The following PRKAR1A variants were observed in gnomAD, a reference collection of about 807,000 sequenced individuals.
PRKAR1A encodes protein kinase cAMP-dependent type I regulatory subunit alpha.
A neutral mutation model predicts 52.0 loss-of-function variants in PRKAR1A; 3 were observed. The observed-to-expected ratio is 0.06, with a 90% CI of 0.03 to 0.15. PRKAR1A has a LOEUF of 0.15. PRKAR1A is among the 10% of genes least tolerant of loss of function. The pLI, the probability that PRKAR1A is intolerant of heterozygous loss-of-function variation, is 1.00. For missense variants in PRKAR1A, 240 were observed against 477.4 expected, an observed-to-expected ratio of 0.50 and a Z score of 4.63; for synonymous variants, 188 against 168.4, an observed-to-expected ratio of 1.12 and a Z score of -0.90.
chr17:68,454,179 C>T, the PRKAR1A span, among the ~76,000 whole-genome samples: 1 of 152,170 alleles, frequency 6.6e-6, no homozygotes, highest in Non-Finnish European at 1.5e-5. Flanking sequence ...CAACTTTGTT[C>T]AGCAGCTGGG....
chr17:68,523,886 G>A (rs570672858), intron 4 of PRKAR1A, 70 bp downstream of exon 4: 1 of 1,584,840 alleles, frequency 6.3e-7, no homozygotes, highest in Non-Finnish European at 8.7e-7. Flanking sequence ...TTCAACACTT[G>A]TTGCAAGTTT....
At chr17:68,452,991 A>T in the PRKAR1A span, 1 of 1,612,084 alleles carries the variant, frequency 6.2e-7, no homozygotes, top group African/African-American at 1.3e-5. Context: ...GTTGCTAGGG[A>T]TCTGTGGAGG....
chr17:68,515,079 A>G (rs948752995), intron 1 of PRKAR1A: 1 of 358,390 alleles, frequency 2.8e-6, no homozygotes, highest in African/African-American at 2.1e-5. Context: ...ACTGAATGAA[A>G]TTCCCTTAAG....
At chr17:68,496,111 G>A in the PRKAR1A span, among the ~76,000 whole-genome samples, 4 of 119,386 alleles carry the variant, frequency 3.4e-5, no homozygotes, top group African/African-American at 1.0e-4. Flanking sequence ...GCGCTATCTC[G>A]GCTCACTGCA....
the PRKAR1A span, among the ~76,000 whole-genome samples, chr17:68,478,639 T>C: frequency 6.6e-6 from 1 of 152,026 alleles, no homozygotes; most frequent in Non-Finnish European, 1.5e-5. Context: ...TCTGAATGTG[T>C]CTATATTTTA....
the PRKAR1A span, among the ~76,000 whole-genome samples, chr17:68,451,744 T>C: frequency 6.6e-6 from 1 of 152,178 alleles, no homozygotes; most frequent in Non-Finnish European, 1.5e-5. Flanking sequence ...CTTGCTGTGC[T>C]CCCTGGATCT....
the PRKAR1A span, among the ~76,000 whole-genome samples, chr17:68,458,616 A>G: frequency 3.3e-5 from 5 of 152,370 alleles, no homozygotes; most frequent in African/African-American, 1.2e-4. Context: ...TTGAAGATAT[A>G]GCACAATTCA....
At position 68,525,879 on chromosome 17, in the gene PRKAR1A, C is replaced by T. The variant is rs150244650; in HGVS notation, c.675C>T (p.Gly225=). ...CAAAGACAAATGTGAAATTGTGGGG[C>T]ATCGACCGAGACAGCTATAGAAGAA... The part of the protein sequence containing the change: ...VKAKTNVKLW[G]IDRDSYRRIL... Residue 225 remains glycine, a synonymous_variant, in exon 7 of 11, where the codon GGC becomes GGT. Coordinates refer to ENST00000589228, the MANE Select transcript of PRKAR1A (RefSeq NM_002734.5). 6 of 1,613,504 alleles carry T rather than the reference C, an allele frequency of 3.7e-6. No homozygotes were observed.
At chr17:68,544,693 G>A (rs1313285896) in intron 11 of PRKAR1A, among the ~76,000 whole-genome samples, 1 of 151,762 alleles carries the variant, frequency 6.6e-6, no homozygotes, top group East Asian at 1.9e-4. Flanking sequence ...TATTTTAAAA[G>A]GTGCAGCCAC....
At chr17:68,538,418 A>G (rs2086158560), downstream of PRKAR1A, among the ~76,000 whole-genome samples, 1 of 152,254 alleles carries the variant, frequency 6.6e-6, no homozygotes, top group Admixed American at 6.5e-5. Context: ...CTCTACTCCG[A>G]GTTTTCCAGC....
At chr17:68,526,061 A>C (rs2085781488) in intron 7 of PRKAR1A, 149 bp downstream of exon 7, 1 of 1,098,426 alleles carries the variant, frequency 9.1e-7, no homozygotes, top group African/African-American at 1.6e-5. Flanking sequence ...TTTAATGAGC[A>C]AATACTTTGC....
intron 7 of PRKAR1A, 111 bp downstream of exon 7, chr17:68,526,023 CTT>C: frequency 7.4e-7 from 1 of 1,352,524 alleles, no homozygotes; most frequent in Non-Finnish European, 1.0e-6. Context: ...GCAAATATTT[CTT>C]TCTTTTAATA....
At chr17:68,438,821 A>C in the PRKAR1A span, among the ~76,000 whole-genome samples, 3 of 152,182 alleles carry the variant, frequency 2.0e-5, no homozygotes, top group Non-Finnish European at 4.4e-5. Context: ...GGCTGTCTCG[A>C]ACTCGTGACC....
At chr17:68,537,055 G>C (rs1214030251), downstream of PRKAR1A, 2 of 457,142 alleles carry the variant, frequency 4.4e-6, no homozygotes, top group Admixed American at 2.3e-5. The surrounding 1 kb of genome is among the most constrained non-coding windows in gnomAD (Gnocchi z 4.2). Context: ...TGATAGGCCA[G>C]GTGTTTTGTC....
At chr17:68,522,671 A>T in intron 2 of PRKAR1A, 85 bp from the exon 3 acceptor site, 1 of 1,421,858 alleles carries the variant, frequency 7.0e-7, no homozygotes, top group Non-Finnish European at 9.8e-7. Context: ...ATTGGAAGTG[A>T]CTGAGATAGA....
the PRKAR1A span, among the ~76,000 whole-genome samples, chr17:68,434,342 T>C: frequency 6.6e-6 from 1 of 152,194 alleles, no homozygotes; most frequent in South Asian, 2.1e-4. Context: ...AAAGGGACTC[T>C]CACGGCTGAA....
At chr17:68,516,792 A>G (rs1374484645) in intron 2 of PRKAR1A, among the ~76,000 whole-genome samples, 1 of 152,114 alleles carries the variant, frequency 6.6e-6, no homozygotes, top group Non-Finnish European at 1.5e-5. Context: ...ATTATAGTAG[A>G]TATTCTGGCT....
rs769024869 is a variant in PRKAR1A, at chr17:68,515,378, T to C, written c.-6-16T>C. ...TTTATAGTTTATACAAGCATGTGTG[T>C]GTTTTTTTCTCGCAGAGAACCATGG... On this transcript the variant is annotated splice_polypyrimidine_tract_variant and intron_variant, in intron 1 of 10. Transcript: ENST00000589228. The C allele has an allele frequency of 1.1e-5, 18 of 1,612,584 alleles. No homozygotes were observed. Among genetic ancestry groups the C allele is most frequent in the Non-Finnish European group, 1.5e-5 (18 of 1,179,992 alleles).
chr17:68,530,683 T>A lies in PRKAR1A; in HGVS notation c.*234T>A. ...TCTATGGAGACTTTGCTGTTACTGC[T>A]TCTCTTTGTGCAGTGTTAGTATTCA... On this transcript the variant is annotated 3_prime_UTR_variant, in exon 11 of 11. Coordinates refer to ENST00000589228, the MANE Select transcript of PRKAR1A (RefSeq NM_002734.5). 7.0e-7 allele frequency: 1 copy of A among 1,421,296 alleles called. No homozygotes were observed. The highest frequency in any genetic ancestry group is 9.2e-7 in the Non-Finnish European group (1 of 1,086,600). The allele number at this position is 1,421,296 out of a possible 1,614,324, so 88.0% of individuals were successfully genotyped here. A position where few individuals can be genotyped will look rare whatever the true frequency, so the allele number is the denominator to read the frequency against.
Sources: allele counts gnomAD v4.1 joint callset (sites outside exome capture counted in the v4.1 genomes callset), GRCh38; gene constraint gnomAD v4.1.1; non-coding constraint Gnocchi (gnomAD v3.1); transcripts MANE v1.5; gene names NCBI Gene and HGNC (gene_info 2026-07-23, HGNC 2026-07-21).